PDZD2: variants seen among roughly 807,000 people sequenced by gnomAD.
PDZD2 encodes the protein PDZ domain-containing protein 2.
In PDZD2, 90 loss-of-function variants were observed where a neutral mutation model predicts 220.7. That is an observed-to-expected ratio of 0.41 (90% CI 0.34 to 0.49). The LOEUF (loss-of-function observed/expected upper bound fraction) is 0.49, where lower values mean the gene tolerates loss of function less well. Among genes scored for constraint, PDZD2 ranks in the 20% least tolerant of loss-of-function variants. The pLI is 0.28. For synonymous variants in PDZD2, 1,375 were observed against 1,450.5 expected, an observed-to-expected ratio of 0.95 and a Z score of 1.18; for missense variants, 3,174 against 3,608.5, an observed-to-expected ratio of 0.88 and a Z score of 3.08.
chr5:32,102,711 A>G (rs775664620), intron 24 of PDZD2, among the ~76,000 whole-genome samples: 6 of 152,140 alleles, frequency 3.9e-5, no homozygotes, highest in African/African-American at 1.2e-4. Context: ...AGGACACCCC[A>G]TTCATGACAG....
At chr5:31,842,498 T>C (rs1757367989) in intron 2 of PDZD2, among the ~76,000 whole-genome samples, 1 of 152,216 alleles carries the variant, frequency 6.6e-6, no homozygotes, top group Non-Finnish European at 1.5e-5. Flanking sequence ...GGGTTAAGTC[T>C]GAAAGCAGTT....
At chr5:31,655,451 AC>A (rs1214615468) in intron 1 of PDZD2, among the ~76,000 whole-genome samples, 2 of 152,224 alleles carry the variant, frequency 1.3e-5, no homozygotes, top group African/African-American at 4.8e-5. Flanking sequence ...GATTACAGGC[AC>A]GAGCCACTGC....
At position 32,007,940 on chromosome 5, in the gene PDZD2, C is replaced by T. The variant is rs553042405; in HGVS notation, c.1255-2390C>T. 2.6e-5 allele frequency among the ~76,000 whole-genome samples: 4 copies of T among 152,136 alleles called. No individual in the cohort carries two copies. The South Asian group carries it at 6.2e-4, about 24-fold the overall frequency. On this transcript the variant is annotated intron_variant, in intron 5 of 24. Coordinates refer to ENST00000438447, the MANE Select transcript of PDZD2 (RefSeq NM_178140.4). ...GTCTTACAGCCTACTCTAGCCTTAACCTGTACATAAGATCAAAGGGCTGTG... is the reference window on the plus strand; with the variant it reads ...GTCTTACAGCCTACTCTAGCCTTAATCTGTACATAAGATCAAAGGGCTGTG...
chr5:31,684,090 C>T (rs763041053), intron 1 of PDZD2, among the ~76,000 whole-genome samples: 6 of 152,142 alleles, frequency 3.9e-5, no homozygotes. Flanking sequence ...ATCTATTTTC[C>T]CTGTAGATCT....
chr5:32,041,453 G>GA lies in PDZD2; in HGVS notation c.1519+4114dup, dbSNP rs1756141614. 3.3e-5 allele frequency among the ~76,000 whole-genome samples: 5 copies of GA among 152,116 alleles called. No individual in the cohort carries two copies. The South Asian group carries it at 1.0e-3, about 32-fold the overall frequency. ...ATCAGATTTTTACTGTGTCTGTGTAGAAAGAAGTAGACATAGGAGACTCCA... is the reference window on the plus strand; with the variant it reads ...ATCAGATTTTTACTGTGTCTGTGTAGAAAAGAAGTAGACATAGGAGACTCCA... On this transcript the variant is annotated intron_variant, in intron 7 of 24. Transcript: ENST00000438447.
intron 6 of PDZD2, among the ~76,000 whole-genome samples, chr5:32,023,922 A>G (rs894833746): frequency 6.6e-6 from 1 of 152,220 alleles, no homozygotes; most frequent in African/African-American, 2.4e-5. Flanking sequence ...GTGAAATCTC[A>G]TGCTGTCTTG....
At chr5:31,645,025 G>C (rs1431649448) in intron 1 of PDZD2, among the ~76,000 whole-genome samples, 1 of 152,150 alleles carries the variant, frequency 6.6e-6, no homozygotes, top group Non-Finnish European at 1.5e-5. Flanking sequence ...ATAGCAAGGA[G>C]ATGGGGGAAG....
At chr5:31,644,929 T>C (rs1269546690) in intron 1 of PDZD2, among the ~76,000 whole-genome samples, 1 of 152,156 alleles carries the variant, frequency 6.6e-6, no homozygotes, top group Non-Finnish European at 1.5e-5. Flanking sequence ...TGAAGAGGTT[T>C]TGGAGAAGCA....
chr5:31,872,903 C>G (rs1020407062), intron 2 of PDZD2, among the ~76,000 whole-genome samples: 2 of 152,116 alleles, frequency 1.3e-5, no homozygotes, highest in South Asian at 2.1e-4. Flanking sequence ...GCTAATGGCA[C>G]TTGATATTGG....
rs556293068 is a variant in PDZD2, at chr5:31,850,038, G to GTA, written c.476+50325_476+50326dup. Among the ~76,000 whole-genome samples the GTA allele has an allele frequency of 5.4e-4, 26 of 48,188 alleles. 2 individuals carry two copies. In the African/African-American group the frequency reaches 5.8e-3, roughly 11 times the overall value. 31.6% of individuals were successfully genotyped at this position (48,188 alleles called of 152,430 possible). On this transcript the variant is annotated intron_variant, in intron 2 of 24. Coordinates refer to ENST00000438447, the MANE Select transcript of PDZD2 (RefSeq NM_178140.4). ...CACACGTATATACTCATATATACAC[G>GTA]TATATATATATACGTGTATATATAA...
intron 2 of PDZD2, among the ~76,000 whole-genome samples, chr5:31,892,558 G>A (rs1741135913): frequency 6.6e-6 from 1 of 152,094 alleles, no homozygotes; most frequent in Admixed American, 6.6e-5. Context: ...GGTGTAGTGG[G>A]CCTAGTTTCT....
rs1158677047 is a variant in PDZD2, at chr5:31,999,290, T to TG, written c.1122-849_1122-848insG. ...CGGGTGGCGGGATTTGTTTTTTTTT[T>TG]TTGTTTGTTTGTTTTGATTCGTCCT... On this transcript the variant is annotated intron_variant, in intron 4 of 24. Coordinates refer to ENST00000438447, the MANE Select transcript of PDZD2 (RefSeq NM_178140.4). 1.5e-3 allele frequency among the ~76,000 whole-genome samples: 208 copies of TG among 136,714 alleles called. 2 individuals carry two copies. The highest frequency in any genetic ancestry group is 5.5e-3 in the African/African-American group (203 of 37,096). 89.7% of individuals were successfully genotyped at this position (136,714 alleles called of 152,430 possible).
At chr5:31,781,920 A>G (rs1007340593) in intron 1 of PDZD2, among the ~76,000 whole-genome samples, 1 of 145,908 alleles carries the variant, frequency 6.9e-6, no homozygotes, top group Non-Finnish European at 1.5e-5. Flanking sequence ...ATTTGGGCAT[A>G]TGAGACCAGA....
intron 2 of PDZD2, among the ~76,000 whole-genome samples, chr5:31,830,332 A>ATTTTTTTTTT (rs11447724): frequency 1.6e-4 from 20 of 123,706 alleles, no homozygotes; most frequent in African/African-American, 2.6e-4. Context: ...CGCCCAGCTA[A>ATTTTTTTTTT]TTTTTTTTTT....
At chr5:31,866,317 A>G (rs1238533011) in intron 2 of PDZD2, among the ~76,000 whole-genome samples, 1 of 152,110 alleles carries the variant, frequency 6.6e-6, no homozygotes, top group Non-Finnish European at 1.5e-5. Flanking sequence ...GCAACTCTTG[A>G]AGTAGAATAA....
At chr5:32,070,903 G>GAGAATTGCTTGAACCCAGGAGGC (rs56171290) in intron 15 of PDZD2, among the ~76,000 whole-genome samples, 14,398 of 151,394 alleles carry the variant, frequency 0.095, 1,435 homozygotes, top group African/African-American at 0.25. Context: ...GCTGAGACAG[G>GAGAATTGCTTGAACCCAGGAGGC]AGAGGTTTCA....
intron 2 of PDZD2, among the ~76,000 whole-genome samples, chr5:31,881,082 A>G (rs1405184964): frequency 6.6e-6 from 1 of 151,796 alleles, no homozygotes; most frequent in Non-Finnish European, 1.5e-5. Flanking sequence ...TTACAGGCAT[A>G]TGCCACCACG....
intron 2 of PDZD2, among the ~76,000 whole-genome samples, chr5:31,852,559 T>C (rs578042104): frequency 4.7e-4 from 71 of 151,992 alleles, no homozygotes; most frequent in African/African-American, 1.5e-3. Flanking sequence ...GTGCTAGGAT[T>C]ACAGGCATGA....
At chr5:31,771,105 T>A (rs1207325978) in intron 1 of PDZD2, among the ~76,000 whole-genome samples, 1 of 152,234 alleles carries the variant, frequency 6.6e-6, no homozygotes, top group East Asian at 1.9e-4. Flanking sequence ...GGATGAGCTT[T>A]GAGTCTAATG....
Sources: gnomAD v4.1 joint callset for allele counts (sites outside exome capture counted in the v4.1 genomes callset) on GRCh38, gnomAD v4.1.1 for gene constraint, MANE v1.5 for transcripts, NCBI Gene and HGNC (gene_info 2026-07-23, HGNC 2026-07-21) for gene names.